SHISA9: variants seen among roughly 807,000 people sequenced by gnomAD.
The protein encoded by SHISA9 is protein shisa-9.
Under a neutral mutation model 38.0 loss-of-function variants are expected in SHISA9, and 13 were observed. That is an observed-to-expected ratio of 0.34 (90% CI 0.22 to 0.54). The LOEUF is 0.54. Ranked by LOEUF, SHISA9 falls within the 20% of genes least tolerant of loss-of-function variation. The pLI is 0.91. For synonymous variants in SHISA9, 275 were observed against 242.0 expected (o/e 1.14, Z -1.27); for missense variants, 538 against 575.8 (o/e 0.93, Z 0.67).
chr16:12,993,422 A>G (rs1337141155), intron 2 of SHISA9, among the ~76,000 whole-genome samples: 3 of 152,178 alleles, frequency 2.0e-5, no homozygotes, highest in African/African-American at 7.2e-5. Context: ...TAGTGGCGTG[A>G]CTTTAGGTGC....
At chr16:13,429,112 G>A in the SHISA9 span, among the ~76,000 whole-genome samples, 12 of 152,214 alleles carry the variant, frequency 7.9e-5, no homozygotes, top group East Asian at 2.3e-3. Flanking sequence ...GATGGATGAC[G>A]GGATAGTTTT....
intron 2 of SHISA9, among the ~76,000 whole-genome samples, chr16:13,071,583 T>C (rs867967533): frequency 6.9e-6 from 1 of 144,898 alleles, no homozygotes; most frequent in South Asian, 2.2e-4. Context: ...CTTCCTCCCT[T>C]CCTTCCTTCC....
chr16:13,075,510 G>T (rs13333772), intron 2 of SHISA9, among the ~76,000 whole-genome samples: 1 of 152,124 alleles, frequency 6.6e-6, no homozygotes, highest in African/African-American at 2.4e-5. Flanking sequence ...GACGCAGCAG[G>T]CTGGGAGGAA....
At chr16:13,495,305 T>C in the SHISA9 span, among the ~76,000 whole-genome samples, 2 of 152,286 alleles carry the variant, frequency 1.3e-5, no homozygotes, top group African/African-American at 4.8e-5. Context: ...AGTTTTGATA[T>C]TCTGCTAAAG....
At chr16:12,914,040 G>C (rs1208987225) in intron 1 of SHISA9, among the ~76,000 whole-genome samples, 7 of 140,306 alleles carry the variant, frequency 5.0e-5, no homozygotes, top group Non-Finnish European at 1.1e-4. Context: ...TTTTTTGTTT[G>C]TTTTTCTTTT....
downstream of SHISA9, among the ~76,000 whole-genome samples, chr16:13,240,851 A>T (rs1397312246): frequency 6.6e-6 from 1 of 151,290 alleles, no homozygotes; most frequent in African/African-American, 2.4e-5. Context: ...GGTAGCATAG[A>T]GTTTGAAATT....
At chr16:13,226,421 C>A (rs1238429491) in intron 4 of SHISA9, among the ~76,000 whole-genome samples, 2 of 152,200 alleles carry the variant, frequency 1.3e-5, no homozygotes, top group Admixed American at 6.5e-5. Flanking sequence ...AATGAATAGG[C>A]ATGAATGATA....
At chr16:12,910,362 C>T in intron 1 of SHISA9, 1 of 539,646 alleles carries the variant, frequency 1.9e-6, no homozygotes, top group Non-Finnish European at 2.4e-6. Context: ...TAACTTATGC[C>T]CAACACTGTG....
At chr16:13,071,171 T>TG (rs2073509276) in intron 2 of SHISA9, among the ~76,000 whole-genome samples, 1 of 152,176 alleles carries the variant, frequency 6.6e-6, no homozygotes, top group Admixed American at 6.5e-5. Flanking sequence ...ATCGTCAAGA[T>TG]GGCAAATTTT....
At chr16:13,421,628 T>A in the SHISA9 span, among the ~76,000 whole-genome samples, 1 of 152,202 alleles carries the variant, frequency 6.6e-6, no homozygotes, top group Admixed American at 6.5e-5. Context: ...CAGTCTCTAA[T>A]TAACTAAGAT....
the SHISA9 span, among the ~76,000 whole-genome samples, chr16:13,494,726 G>A: frequency 4.6e-5 from 7 of 152,152 alleles, no homozygotes; most frequent in East Asian, 9.6e-4. Context: ...AAATAATGAC[G>A]TAGAAATATG....
chr16:13,319,172 C>T, the SHISA9 span, among the ~76,000 whole-genome samples: 4 of 152,142 alleles, frequency 2.6e-5, no homozygotes, highest in South Asian at 2.1e-4. Flanking sequence ...AAGGCACTGG[C>T]TAATTTTTGT....
At chr16:13,367,735 CACACACACACACA>C in the SHISA9 span, among the ~76,000 whole-genome samples, 1 of 148,246 alleles carries the variant, frequency 6.7e-6, no homozygotes, top group Non-Finnish European at 1.5e-5. Context: ...CACACACACA[CACACACACACACA>C]CCCCTGAATT....
the SHISA9 span, among the ~76,000 whole-genome samples, chr16:13,469,365 A>AAAGAAAAAG: frequency 3.6e-3 from 234 of 64,300 alleles, no homozygotes; most frequent in Non-Finnish European, 4.4e-3. Flanking sequence ...AAAGAAAAGA[A>AAAGAAAAAG]AAAGAAAGAA....
intron 2 of SHISA9, among the ~76,000 whole-genome samples, chr16:13,009,405 G>C (rs1453718943): frequency 2.0e-5 from 3 of 152,144 alleles, no homozygotes; most frequent in Non-Finnish European, 1.5e-5. Flanking sequence ...CACACACCTT[G>C]CTCAGGATCA....
the SHISA9 span, among the ~76,000 whole-genome samples, chr16:13,378,146 C>A: frequency 6.6e-6 from 1 of 152,178 alleles, no homozygotes; most frequent in Non-Finnish European, 1.5e-5. Context: ...ATTTATGTTA[C>A]TTAGGGATAG....
At chr16:13,401,000 A>T in the SHISA9 span, among the ~76,000 whole-genome samples, 2 of 152,192 alleles carry the variant, frequency 1.3e-5, no homozygotes, top group African/African-American at 4.8e-5. Context: ...CTCCAGCTTA[A>T]GCATGCATCC....
the SHISA9 span, among the ~76,000 whole-genome samples, chr16:13,417,944 A>G: frequency 6.6e-6 from 1 of 152,232 alleles, no homozygotes; most frequent in South Asian, 2.1e-4. Context: ...GTTTATGCCA[A>G]TGATACCCTA....
In SHISA9 at chr16:13,148,814, A is replaced by G. The variant is rs371328987; in HGVS notation, c.692-54580A>G. ...CTGAGGCCACACACAATCCTAGCCTAGAATCACCAAAAAAAAAAAAATTTT... is the reference window on the plus strand; with the variant it reads ...CTGAGGCCACACACAATCCTAGCCTGGAATCACCAAAAAAAAAAAAATTTT... On this transcript the variant is annotated intron_variant, in intron 2 of 4. Transcript: ENST00000558583. Among the ~76,000 whole-genome samples, 152 of 150,936 alleles carry G rather than the reference A, an allele frequency of 1.0e-3. 1 individual carries two copies. Among genetic ancestry groups the G allele is most frequent in the African/African-American group, 3.5e-3 (146 of 41,196 alleles).
Sources: allele counts gnomAD v4.1 joint callset (sites outside exome capture counted in the v4.1 genomes callset), GRCh38; gene constraint gnomAD v4.1.1; transcripts MANE v1.5; gene names NCBI Gene and HGNC (gene_info 2026-07-23, HGNC 2026-07-21).